LARGE1: variants seen among roughly 807,000 people sequenced by gnomAD.
The protein encoded by LARGE1 is LARGE xylosyl- and glucuronyltransferase 1.
In LARGE1, 43 loss-of-function variants were observed where a neutral mutation model predicts 87.6. The observed-to-expected ratio is 0.49, with a 90% CI of 0.38 to 0.63. The LOEUF (loss-of-function observed/expected upper bound fraction) is 0.63, where lower values mean the gene tolerates loss of function less well. LARGE1 is among the 30% of genes least tolerant of loss of function. LARGE1 has a pLI of 0.00. For missense variants in LARGE1, 802 were observed against 1,000.2 expected (o/e 0.80, Z 2.67); for synonymous variants, 434 against 394.6 (o/e 1.10, Z -1.18).
chr22:33,797,108 G>T (rs1248383717), intron 1 of LARGE1, among the ~76,000 whole-genome samples: 1 of 152,120 alleles, frequency 6.6e-6, no homozygotes, highest in Non-Finnish European at 1.5e-5. Context: ...GTTAATTAAA[G>T]AGAGTGGGAG....
intron 11 of LARGE1, among the ~76,000 whole-genome samples, chr22:33,170,974 T>C (rs1474381645): frequency 1.3e-5 from 2 of 152,194 alleles, no homozygotes; most frequent in Non-Finnish European, 2.9e-5. Flanking sequence ...ACCAAAATGC[T>C]GATAGTGATA....
intron 6 of LARGE1, among the ~76,000 whole-genome samples, chr22:33,462,767 C>A (rs1169708202): frequency 3.3e-5 from 5 of 152,050 alleles, no homozygotes; most frequent in Admixed American, 2.0e-4. Context: ...TGTGACAGAG[C>A]AAGACTCTGT....
chr22:33,157,377 T>C (rs537440237), downstream of LARGE1, among the ~76,000 whole-genome samples: 30 of 152,344 alleles, frequency 2.0e-4, no homozygotes, highest in African/African-American at 6.7e-4. Flanking sequence ...TTAAAAACTC[T>C]TTAATGTTTT....
chr22:33,606,759 G>C (rs771864055), intron 4 of LARGE1, among the ~76,000 whole-genome samples: 2 of 152,154 alleles, frequency 1.3e-5, no homozygotes, highest in Admixed American at 6.5e-5. Context: ...TGCCCCTGCT[G>C]TCATGGAGCT....
intron 9 of LARGE1, among the ~76,000 whole-genome samples, chr22:33,356,337 G>A (rs1238948045): frequency 2.6e-5 from 4 of 152,184 alleles, no homozygotes; most frequent in African/African-American, 4.8e-5. Flanking sequence ...CCAAGGTCCC[G>A]TCTGCTTAGC....
At chr22:33,432,009 T>A (rs1601815817) in intron 7 of LARGE1, 152 bp downstream of exon 7, 1 of 699,688 alleles carries the variant, frequency 1.4e-6, no homozygotes, top group East Asian at 2.7e-5. Flanking sequence ...AAGAAGGAAC[T>A]GGAATGCAAA....
chr22:33,779,544 C>T (rs910949411), intron 1 of LARGE1, among the ~76,000 whole-genome samples: 5 of 152,124 alleles, frequency 3.3e-5, no homozygotes, highest in East Asian at 1.9e-4. Context: ...CACTGGGAGG[C>T]GGAGGTGGGT....
intron 2 of LARGE1, among the ~76,000 whole-genome samples, chr22:33,692,913 T>C (rs1030132237): frequency 3.9e-5 from 6 of 152,178 alleles, no homozygotes; most frequent in Non-Finnish European, 7.3e-5. Context: ...CCCAAAAGAA[T>C]AGACATCATT....
chr22:33,199,136 G>A (rs1924237988), intron 11 of LARGE1, among the ~76,000 whole-genome samples: 1 of 151,642 alleles, frequency 6.6e-6, no homozygotes, highest in Non-Finnish European at 1.5e-5. Context: ...TTTGTCAGCC[G>A]CTTGTATGTC....
chr22:33,742,413 T>A (rs2083918061), intron 2 of LARGE1, among the ~76,000 whole-genome samples: 1 of 152,114 alleles, frequency 6.6e-6, no homozygotes, highest in Admixed American at 6.5e-5. Flanking sequence ...CACTCACTCA[T>A]CAACCTTCGT....
chr22:33,597,278 G>GA (rs3072280), intron 5 of LARGE1, among the ~76,000 whole-genome samples: 2,770 of 129,242 alleles, frequency 0.021, 44 homozygotes, highest in South Asian at 0.085. Flanking sequence ...CCTAATTCAT[G>GA]AAAAAAAAAA....
At chr22:33,346,316 T>C (rs1176451757) in intron 9 of LARGE1, among the ~76,000 whole-genome samples, 3 of 151,816 alleles carry the variant, frequency 2.0e-5, no homozygotes, top group East Asian at 3.9e-4. Context: ...TCTTTTTTTT[T>C]TCTGAGACAG....
rs1392524352 is a variant in LARGE1, at chr22:33,761,522, C to T, written c.-46G>A. The T allele has an allele frequency of 7.3e-6, 11 of 1,496,678 alleles. No individual in the cohort carries two copies. Among genetic ancestry groups the T allele is most frequent in the Middle Eastern group, 1.9e-4 (1 of 5,372 alleles). 92.7% of individuals were successfully genotyped at this position (1,496,678 alleles called of 1,614,324 possible). ...CTAATCCCAGCGCCGTTTCTCTGTC[C>T]GGAGCATGAAGTCCTCGGCCTCCCT... On this transcript the variant is annotated 5_prime_UTR_variant, in exon 2 of 15. Coordinates refer to ENST00000397394, the MANE Select transcript of LARGE1 (RefSeq NM_133642.5).
rs192638556 is a variant in LARGE1 at position 33,626,384 on chromosome 22, T to C, written c.409-58A>G. 4.3e-4 allele frequency: 587 copies of C among 1,380,826 alleles called. 4 individuals are homozygous for C. In the African/African-American group the frequency reaches 7.3e-3, roughly 17 times the overall value. 85.5% of individuals were successfully genotyped at this position (1,380,826 alleles called of 1,614,324 possible). A position where few individuals can be genotyped will look rare whatever the true frequency, so the allele number is the denominator to read the frequency against. ...GACAGACGGAAGGAGGCCTTCCTGGTGCTTCAGATCACACTAGAAAGAAAA... is the reference window on the plus strand; with the variant it reads ...GACAGACGGAAGGAGGCCTTCCTGGCGCTTCAGATCACACTAGAAAGAAAA... On this transcript the variant is annotated intron_variant, in intron 3 of 14. Coordinates refer to ENST00000397394, the MANE Select transcript of LARGE1 (RefSeq NM_133642.5).
intron 5 of LARGE1, among the ~76,000 whole-genome samples, chr22:33,582,632 A>G (rs897424066): frequency 6.6e-6 from 1 of 152,150 alleles, no homozygotes; most frequent in African/African-American, 2.4e-5. Context: ...ACGCCTTTCC[A>G]CTGTACCTAG....
At chr22:33,139,355 G>T in the LARGE1 span, among the ~76,000 whole-genome samples, 1 of 152,030 alleles carries the variant, frequency 6.6e-6, no homozygotes. Flanking sequence ...GGGAGCATTT[G>T]TTTTTTTCTT....
intron 2 of LARGE1, among the ~76,000 whole-genome samples, chr22:33,680,087 C>G (rs1302349459): frequency 6.6e-6 from 1 of 152,094 alleles, no homozygotes; most frequent in African/African-American, 2.4e-5. Context: ...GGCTCATGGC[C>G]CTGATTTGTT....
intron 2 of LARGE1, among the ~76,000 whole-genome samples, chr22:33,745,634 C>T (rs1231360352): frequency 1.3e-5 from 2 of 152,124 alleles, no homozygotes; most frequent in African/African-American, 2.4e-5. Context: ...AAAGGAAAGG[C>T]GAGGGCCCGG....
At chr22:33,613,667 C>T (rs2079504606) in intron 4 of LARGE1, among the ~76,000 whole-genome samples, 1 of 152,098 alleles carries the variant, frequency 6.6e-6, no homozygotes, top group African/African-American at 2.4e-5. Flanking sequence ...TACTACACAC[C>T]AAGTTTCTAA....
Sources: gnomAD v4.1 joint callset for allele counts (sites outside exome capture counted in the v4.1 genomes callset) on GRCh38, gnomAD v4.1.1 for gene constraint, MANE v1.5 for transcripts, NCBI Gene and HGNC (gene_info 2026-07-23, HGNC 2026-07-21) for gene names.